Variants in KIRREL3 observed in about 807,000 individuals in gnomAD.
KIRREL3 encodes kirre like nephrin family adhesion molecule 3, also known as kin of IRRE-like protein 3.
A neutral mutation model predicts 89.7 loss-of-function variants in KIRREL3; 36 were observed. The observed-to-expected ratio is 0.40, with a 90% CI of 0.31 to 0.53. KIRREL3 has a LOEUF of 0.53. Among genes scored for constraint, KIRREL3 ranks in the 20% least tolerant of loss-of-function variants. The probability of loss-of-function intolerance (pLI) is 0.49; values close to 1 mark genes in which losing one functional copy is unlikely to be tolerated. For synonymous variants in KIRREL3, 445 were observed against 441.4 expected (o/e 1.01, Z -0.10); for missense variants, 864 against 1,056.6 (o/e 0.82, Z 2.53).
Position 126,541,831 on chromosome 11 carries a change from G to A in KIRREL3, c.134-15144C>T, listed in dbSNP as rs1372437396. 3.3e-5 allele frequency among the ~76,000 whole-genome samples: 5 copies of A among 152,148 alleles called. No individual in the cohort carries two copies. Among genetic ancestry groups the A allele is most frequent in the African/African-American group, 9.7e-5 (4 of 41,428 alleles). On this transcript the variant is annotated intron_variant, in intron 2 of 16. Coordinates refer to ENST00000525144, the MANE Select transcript of KIRREL3 (RefSeq NM_032531.4). The surrounding 1 kb of genome is among the most constrained non-coding windows in gnomAD (Gnocchi z 4.8). ...ACTGGGTGGCCTTGATTAAGTGGCT[G>A]TCTCTCTCTCGGGGTGCGCATTGAT...
chr11:126,602,014 C>A (rs555519320), intron 1 of KIRREL3, among the ~76,000 whole-genome samples: 1 of 152,166 alleles, frequency 6.6e-6, no homozygotes, highest in East Asian at 1.9e-4. Flanking sequence ...GGGGCTGCGG[C>A]CTTTTCCCGT....
chr11:126,661,811 C>T (rs1945415896), intron 1 of KIRREL3, among the ~76,000 whole-genome samples: 1 of 152,134 alleles, frequency 6.6e-6, no homozygotes, highest in Non-Finnish European at 1.5e-5. Flanking sequence ...TTAAAAATCA[C>T]CTAGGAGATT....
rs1454340486 is a variant in KIRREL3 at position 126,565,873 on chromosome 11, C to A, written c.56-2961G>T. Among the ~76,000 whole-genome samples the A allele has an allele frequency of 1.3e-5, 2 of 151,840 alleles. No individual in the cohort carries two copies. Among genetic ancestry groups the A allele is most frequent in the African/African-American group, 4.8e-5 (2 of 41,326 alleles). On this transcript the variant is annotated intron_variant, in intron 1 of 16. Coordinates refer to ENST00000525144, the MANE Select transcript of KIRREL3 (RefSeq NM_032531.4). The surrounding 1 kb of genome is among the most constrained non-coding windows in gnomAD (Gnocchi z 5.4). ...ATTGCTTTGGCTTGGGGAGACTCTACCAAGCCAAACTAACTAGGTTATTAG... is the reference window on the plus strand; with the variant it reads ...ATTGCTTTGGCTTGGGGAGACTCTAACAAGCCAAACTAACTAGGTTATTAG...
rs908143027 is a variant in KIRREL3, at chr11:126,953,015, T to C, written c.55+47440A>G. Among the ~76,000 whole-genome samples, 6 of 152,202 alleles carry C rather than the reference T, an allele frequency of 3.9e-5. No homozygotes were observed. The highest frequency in any genetic ancestry group is 8.8e-5 in the Non-Finnish European group (6 of 68,034). On this transcript the variant is annotated intron_variant, in intron 1 of 16. Coordinates refer to ENST00000525144, the MANE Select transcript of KIRREL3 (RefSeq NM_032531.4). The surrounding 1 kb of genome is among the most constrained non-coding windows in gnomAD (Gnocchi z 5.2). ...CCCAAAGGATTATAAATCATTCTAC[T>C]ATGAAGACACATGCACATGTATGTT...
At chr11:126,757,854 T>C (rs1314100161) in intron 1 of KIRREL3, among the ~76,000 whole-genome samples, 1 of 152,170 alleles carries the variant, frequency 6.6e-6, no homozygotes, top group African/African-American at 2.4e-5. Context: ...AGTTTCCCCA[T>C]CTGTACATTG....
rs550543256 is a variant in KIRREL3 at position 126,955,447 on chromosome 11, C to A, written c.55+45008G>T. Among the ~76,000 whole-genome samples the A allele has an allele frequency of 1.3e-5, 2 of 152,142 alleles. No individual in the cohort carries two copies. Among genetic ancestry groups the A allele is most frequent in the Non-Finnish European group, 2.9e-5 (2 of 68,028 alleles). ...AGTGCTTTGGAAGAAATGCCCTGGC[C>A]GCCCATGGGCCGGGATCTTCCTAGC... On this transcript the variant is annotated intron_variant, in intron 1 of 16. Transcript: ENST00000525144. This position sits in a 1 kb window ranked among gnomAD's most constrained non-coding sequence, Gnocchi z 4.6.
At position 126,908,905 on chromosome 11, in the gene KIRREL3, T is replaced by C. The variant is rs528983715; in HGVS notation, c.55+91550A>G. 3.9e-5 allele frequency among the ~76,000 whole-genome samples: 6 copies of C among 152,316 alleles called. No individual in the cohort carries two copies. The South Asian group carries it at 1.2e-3, about 32-fold the overall frequency. ...GATATAAAGTAGTGTAGTATTTGCA[T>C]ATAACCTAAGCACATACACTTTAAA... On this transcript the variant is annotated intron_variant, in intron 1 of 16. Transcript: ENST00000525144. This position sits in a 1 kb window ranked among gnomAD's most constrained non-coding sequence, Gnocchi z 4.2.
At position 126,622,578 on chromosome 11, in the gene KIRREL3, A is replaced by G. The variant is rs1313853875; in HGVS notation, c.56-59666T>C. On this transcript the variant is annotated intron_variant, in intron 1 of 16. Coordinates refer to ENST00000525144, the MANE Select transcript of KIRREL3 (RefSeq NM_032531.4). The surrounding 1 kb of genome is among the most constrained non-coding windows in gnomAD (Gnocchi z 5.2). ...GTGGCATGTGCCTGTAATCCCAGCT[A>G]CTCAGGAGGCTGAGGCAGAAGAATC... Among the ~76,000 whole-genome samples, 2 of 152,162 alleles carry G rather than the reference A, an allele frequency of 1.3e-5. No individual in the cohort carries two copies. The highest frequency in any genetic ancestry group is 6.5e-5 in the Admixed American group (1 of 15,278).
rs1374602385 is a variant in KIRREL3 at position 126,843,438 on chromosome 11, T to A, written c.55+157017A>T. ...TCACTCACTCTGCCGTATATCCTAC[T>A]GGGGAGAAACTCCATTCCCAAAGTC... On this transcript the variant is annotated intron_variant, in intron 1 of 16. Transcript: ENST00000525144. This position sits in a 1 kb window ranked among gnomAD's most constrained non-coding sequence, Gnocchi z 4.6. Among the ~76,000 whole-genome samples, 1 of 152,132 alleles carries A rather than the reference T, an allele frequency of 6.6e-6. No individual in the cohort carries two copies. The highest frequency in any genetic ancestry group is 1.5e-5 in the Non-Finnish European group (1 of 68,024).
intron 1 of KIRREL3, among the ~76,000 whole-genome samples, chr11:126,855,294 C>T (rs1022844556): frequency 2.0e-5 from 3 of 152,298 alleles, no homozygotes; most frequent in Admixed American, 6.5e-5. Flanking sequence ...AGTGAGTTCT[C>T]AGGAGATCTG....
At position 126,653,373 on chromosome 11, in the gene KIRREL3, AGTTTGTAAGTAGGC is replaced by A. The variant is rs57058042; in HGVS notation, c.56-90475_56-90462del. On this transcript the variant is annotated intron_variant, in intron 1 of 16. Coordinates refer to ENST00000525144, the MANE Select transcript of KIRREL3 (RefSeq NM_032531.4). The surrounding 1 kb of genome is among the most constrained non-coding windows in gnomAD (Gnocchi z 5.4). ...GGAAGCCAAGCCCCTGTGCTGCCTC[AGTTTGTAAGTAGGC>A]ATTTGACCTTGTGGGGAATCACTCT... Among the ~76,000 whole-genome samples, 34,243 of 152,006 alleles carry A rather than the reference AGTTTGTAAGTAGGC, an allele frequency of 0.23. 4,510 individuals are homozygous for A. Among genetic ancestry groups the A allele is most frequent in the Middle Eastern group, 0.34 (98 of 292 alleles).
rs71985337 is a variant in KIRREL3, at chr11:126,664,236, AT to A, written c.56-101325del. ...TCAGGCTTTTGCTGGGGCCATTAGC[AT>A]TTTTTTTTTTTTTACCATCATTATG... On this transcript the variant is annotated intron_variant, in intron 1 of 16. Coordinates refer to ENST00000525144, the MANE Select transcript of KIRREL3 (RefSeq NM_032531.4). The surrounding 1 kb of genome is among the most constrained non-coding windows in gnomAD (Gnocchi z 5.4). Among the ~76,000 whole-genome samples, 52,445 of 147,078 alleles carry A rather than the reference AT, an allele frequency of 0.36. 9,177 individuals carry two copies. The highest frequency in any genetic ancestry group is 0.43 in the Admixed American group (6,359 of 14,816).
At position 126,657,964 on chromosome 11, in the gene KIRREL3, C is replaced by T. The variant is rs1321149458; in HGVS notation, c.56-95052G>A. On this transcript the variant is annotated intron_variant, in intron 1 of 16. Transcript: ENST00000525144. ...TGACCAGTCCACAGAGCTCTCCTCC[C>T]GGATCCCATCAGTTTCACAGAGAAG... 6.6e-5 allele frequency among the ~76,000 whole-genome samples: 10 copies of T among 152,334 alleles called. No individual in the cohort carries two copies. In the Middle Eastern group the frequency reaches 0.01, roughly 155 times the overall value.
At position 126,995,718 on chromosome 11, in the gene KIRREL3, C is replaced by G. The variant is rs1225357491; in HGVS notation, c.55+4737G>C. On this transcript the variant is annotated intron_variant, in intron 1 of 16. Transcript: ENST00000525144. The surrounding 1 kb of genome is among the most constrained non-coding windows in gnomAD (Gnocchi z 6.5). ...TATCATTAGTATTGTTATTATTTTG[C>G]TATTGAAATCTCTTCAATTCGCTCT... Among the ~76,000 whole-genome samples, 1 of 152,180 alleles carries G rather than the reference C, an allele frequency of 6.6e-6. No individual in the cohort carries two copies. The highest frequency in any genetic ancestry group is 2.4e-5 in the African/African-American group (1 of 41,444).
rs879772494 is a variant in KIRREL3, at chr11:126,863,395, G to GTGTGGTT, written c.55+137059_55+137060insAACCACA. The stretch of plus-strand genomic sequence containing the variant: ...TGCGTGTGTGTGTTTGAGTGCGTGT[G>GTGTGGTT]TGAGTGCGTGAGTGCGTGTGTGAGC... On this transcript the variant is annotated intron_variant, in intron 1 of 16. Transcript: ENST00000525144. Among the ~76,000 whole-genome samples the GTGTGGTT allele has an allele frequency of 2.2e-5, 2 of 88,902 alleles. 1 individual carries two copies. Among genetic ancestry groups the GTGTGGTT allele is most frequent in the Non-Finnish European group, 4.1e-5 (2 of 48,484 alleles). The allele number at this position is 88,902 out of a possible 152,430, so 58.3% of individuals were successfully genotyped here.
chr11:126,807,646 A>G lies in KIRREL3; in HGVS notation c.55+192809T>C, dbSNP rs978028709. Among the ~76,000 whole-genome samples the G allele has an allele frequency of 6.6e-6, 1 of 152,184 alleles. No homozygotes were observed. Among genetic ancestry groups the G allele is most frequent in the African/African-American group, 2.4e-5 (1 of 41,440 alleles). On this transcript the variant is annotated intron_variant, in intron 1 of 16. Coordinates refer to ENST00000525144, the MANE Select transcript of KIRREL3 (RefSeq NM_032531.4). This position sits in a 1 kb window ranked among gnomAD's most constrained non-coding sequence, Gnocchi z 4.3. ...ATCTCCATGCCTTTAAACTTGTCAC[A>G]GTTCCTGCCTGGAGTGCTTTTCCCC...
intron 1 of KIRREL3, among the ~76,000 whole-genome samples, chr11:126,833,632 T>C (rs1340739208): frequency 6.6e-6 from 1 of 152,240 alleles, no homozygotes; most frequent in Non-Finnish European, 1.5e-5. Context: ...GGTGATGTGC[T>C]AATATGTACA....
At chr11:126,693,129 C>A (rs926012676) in intron 1 of KIRREL3, among the ~76,000 whole-genome samples, 6 of 152,224 alleles carry the variant, frequency 3.9e-5, no homozygotes, top group Non-Finnish European at 7.3e-5. Flanking sequence ...TTAAATTCAG[C>A]TGTGCTGGGC....
chr11:126,921,603 TA>T (rs879503547), intron 1 of KIRREL3, among the ~76,000 whole-genome samples: 23,936 of 79,804 alleles, frequency 0.3, 5,200 homozygotes, highest in African/African-American at 0.55. Flanking sequence ...TCTATCTATC[TA>T]TCTATCTATC....
Sources: allele counts gnomAD v4.1 joint callset (sites outside exome capture counted in the v4.1 genomes callset), GRCh38; gene constraint gnomAD v4.1.1; non-coding constraint Gnocchi (gnomAD v3.1); transcripts MANE v1.5; gene names NCBI Gene and HGNC (gene_info 2026-07-23, HGNC 2026-07-21).